The following BPTF variants were observed in gnomAD, a reference collection of about 807,000 sequenced individuals.
BPTF encodes bromodomain PHD finger transcription factor, also known as nucleosome-remodeling factor subunit BPTF.
BPTF carries 18 observed loss-of-function variants against 292.5 expected under a neutral mutation model. The ratio of observed to expected loss-of-function variants is 0.06; its 90% CI spans 0.04 to 0.09. The LOEUF is 0.09. Among genes scored for constraint, BPTF ranks in the 10% least tolerant of loss-of-function variants. The pLI is 1.00. For missense variants in BPTF, 2,726 were observed against 3,498.7 expected, an observed-to-expected ratio of 0.78 and a Z score of 5.57; for synonymous variants, 1,225 against 1,251.9, an observed-to-expected ratio of 0.98 and a Z score of 0.45.
chr17:67,961,808 T>C (rs549264919), intron 24 of BPTF, among the ~76,000 whole-genome samples: 71 of 152,158 alleles, frequency 4.7e-4, no homozygotes, highest in African/African-American at 1.6e-3. Flanking sequence ...ACCCTGTCTC[T>C]ACTAAAAATG....
chr17:67,864,005 A>C (rs1213547212), intron 2 of BPTF, among the ~76,000 whole-genome samples: 4 of 152,144 alleles, frequency 2.6e-5, no homozygotes, highest in Non-Finnish European at 5.9e-5. Flanking sequence ...GTCCTTGAGA[A>C]TGTGTGCCCA....
At chr17:67,924,450 CT>C in intron 14 of BPTF, 96 bp from the exon 15 acceptor site, 1 of 1,210,330 alleles carries the variant, frequency 8.3e-7, no homozygotes, top group Non-Finnish European at 1.2e-6. Flanking sequence ...AATATCATAC[CT>C]TTGTATGATG....
intron 15 of BPTF, among the ~76,000 whole-genome samples, chr17:67,926,317 T>C (rs1438975911): frequency 4.3e-5 from 3 of 70,172 alleles, no homozygotes; most frequent in Admixed American, 1.1e-4. Flanking sequence ...AATATACTAC[T>C]TTTTTTTTTT....
intron 3 of BPTF, among the ~76,000 whole-genome samples, chr17:67,867,075 G>A (rs1194324355): frequency 1.3e-5 from 2 of 152,178 alleles, no homozygotes; most frequent in Admixed American, 1.3e-4. Flanking sequence ...GGTTCCTGGT[G>A]GACCGAAACA....
intron 1 of BPTF, among the ~76,000 whole-genome samples, chr17:67,852,392 A>G (rs531042937): frequency 6.6e-6 from 1 of 152,300 alleles, no homozygotes; most frequent in East Asian, 1.9e-4. Flanking sequence ...CCCCAGAAGC[A>G]AGTACTATAA....
At chr17:67,919,400 C>T (rs1047062162) in intron 12 of BPTF, among the ~76,000 whole-genome samples, 2 of 151,696 alleles carry the variant, frequency 1.3e-5, no homozygotes, top group Admixed American at 6.6e-5. Context: ...AGAAAAAAAT[C>T]AACTAGGCCT....
At position 67,964,195 on chromosome 17, in the gene BPTF, C is replaced by T. The variant is rs1555685490; in HGVS notation, c.8262-17C>T. On this transcript the variant is annotated splice_polypyrimidine_tract_variant and intron_variant, in intron 24 of 27. Transcript: ENST00000306378. ...CCCATGTGTTTTGAACTCACATTTC[C>T]ATTTCGGATCTTGCAGATTTTATAT... is the stretch of plus-strand genomic sequence containing the variant. 6 of 1,597,324 alleles carry T rather than the reference C, an allele frequency of 3.8e-6. No homozygotes were observed. Among genetic ancestry groups the T allele is most frequent in the Non-Finnish European group, 5.1e-6 (6 of 1,166,546 alleles).
intron 7 of BPTF, among the ~76,000 whole-genome samples, chr17:67,898,286 G>A (rs2061582256): frequency 6.6e-6 from 1 of 152,094 alleles, no homozygotes; most frequent in African/African-American, 2.4e-5. Context: ...ACTTGAACCT[G>A]GGAGGCAGAG....
intron 23 of BPTF, chr17:67,951,209 T>G (rs1428158396): frequency 6.6e-6 from 1 of 152,088 alleles, no homozygotes; most frequent in Non-Finnish European, 1.5e-5. Context: ...CTCTCTCTCT[T>G]TTTCTCAGAG....
intron 11 of BPTF, among the ~76,000 whole-genome samples, chr17:67,917,055 T>G (rs1598635392): frequency 6.6e-6 from 1 of 151,206 alleles, no homozygotes; most frequent in East Asian, 2.0e-4. Context: ...GTTTAGTACC[T>G]CCACACACAA....
rs750962156 is a variant in BPTF at position 67,903,828 on chromosome 17, G to A, written c.2583G>A (p.Glu861=). Reference sequence around the variant, plus strand: ...CATCAATTGAAAGAGAAGAAAAGGAGAAAGTCAAAAAAAAAGAGAAGAAAC... The same window carrying A: ...CATCAATTGAAAGAGAAGAAAAGGAAAAAGTCAAAAAAAAAGAGAAGAAAC... ...RMTSIEREEK[E]KVKKKEKKQE... is the part of the protein sequence containing the mutation. Residue 861 remains glutamate (E), a synonymous_variant, in exon 8 of 28, where the codon GAG becomes GAA. Transcript: ENST00000306378. 5.7e-5 allele frequency: 91 copies of A among 1,587,208 alleles called. No individual in the cohort carries two copies. The highest frequency in any genetic ancestry group is 2.0e-4 in the East Asian group (9 of 44,168).
At chr17:67,864,243 C>T (rs1335932777) in intron 2 of BPTF, among the ~76,000 whole-genome samples, 2 of 152,034 alleles carry the variant, frequency 1.3e-5, no homozygotes, top group Non-Finnish European at 2.9e-5. Context: ...AACAACTTTT[C>T]AGCCCGGTGC....
intron 11 of BPTF, among the ~76,000 whole-genome samples, chr17:67,918,272 G>T (rs1027530212): frequency 1.3e-5 from 2 of 152,124 alleles, no homozygotes; most frequent in Non-Finnish European, 2.9e-5. Context: ...ACATTTTCAG[G>T]TTTCTTGTTT....
intron 4 of BPTF, among the ~76,000 whole-genome samples, chr17:67,879,876 T>C (rs1378925288): frequency 1.3e-5 from 2 of 152,144 alleles, no homozygotes; most frequent in African/African-American, 4.8e-5. Context: ...AATCTGCTCT[T>C]GAGGGATCCG....
intron 4 of BPTF, among the ~76,000 whole-genome samples, chr17:67,881,057 AT>A (rs1179168241): frequency 5.3e-5 from 8 of 151,958 alleles, no homozygotes; most frequent in African/African-American, 1.9e-4. Context: ...TTTTCATATA[AT>A]TTGGTAGAAG....
intron 26 of BPTF, among the ~76,000 whole-genome samples, chr17:67,973,607 A>G (rs1300658832): frequency 6.6e-6 from 1 of 151,904 alleles, no homozygotes; most frequent in Non-Finnish European, 1.5e-5. Flanking sequence ...TCCTGGGTTC[A>G]AGGGATTCTC....
At chr17:67,972,507 G>A (rs2068875845) in intron 26 of BPTF, among the ~76,000 whole-genome samples, 2 of 152,154 alleles carry the variant, frequency 1.3e-5, no homozygotes, top group African/African-American at 4.8e-5. Context: ...GCCTTCCAAA[G>A]TGCTGGGATT....
In BPTF at chr17:67,826,019, G is replaced by A; in HGVS notation, c.295G>A (p.Gly99Ser). 1 of 1,196,028 alleles carries A rather than the reference G, an allele frequency of 8.4e-7. No individual in the cohort carries two copies. Among genetic ancestry groups the A allele is most frequent in the Non-Finnish European group, 1.0e-6 (1 of 959,558 alleles). The allele number at this position is 1,196,028 out of a possible 1,614,324, so 74.1% of individuals were successfully genotyped here. A position where few individuals can be genotyped will look rare whatever the true frequency, so the allele number is the denominator to read the frequency against. ...GGGCCGGGGGGGGCGAGGAGGCGGGGGCGGCAGGACGGGGGGCGGGGGCGG... is the reference window on the plus strand; with the variant it reads ...GGGCCGGGGGGGGCGAGGAGGCGGGAGCGGCAGGACGGGGGGCGGGGGCGG... ...APGRGGRGGG[G>S]GRTGGGGGGG... Residue 99 changes from glycine to serine, a missense_variant, in exon 1 of 28, where the codon GGC (glycine) becomes AGC (serine). This residue lies in a region of BPTF where 103 missense variants were observed against 72.1 expected (regional missense o/e 1.43). Transcript: ENST00000306378.
At chr17:67,837,360 T>G (rs1227222780) in intron 1 of BPTF, among the ~76,000 whole-genome samples, 1 of 152,172 alleles carries the variant, frequency 6.6e-6, no homozygotes. Context: ...TGGACCAGAT[T>G]ATACTCTCAA....
Sources: gnomAD v4.1 joint callset for allele counts (sites outside exome capture counted in the v4.1 genomes callset) on GRCh38, gnomAD v4.1.1 for gene constraint, gnomAD v4.1.1 regional missense constraint, MANE v1.5 for transcripts, NCBI Gene and HGNC (gene_info 2026-07-23, HGNC 2026-07-21) for gene names.